XPNPEP1: variants seen among roughly 807,000 people sequenced by gnomAD.
The protein encoded by XPNPEP1 is xaa-Pro aminopeptidase 1.
Under a neutral mutation model 92.4 loss-of-function variants are expected in XPNPEP1, and 39 were observed. The observed-to-expected ratio is 0.42, with a 90% CI of 0.33 to 0.55. The LOEUF is 0.55. Among genes scored for constraint, XPNPEP1 ranks in the 20% least tolerant of loss-of-function variants. XPNPEP1 has a pLI of 0.08. For missense variants in XPNPEP1, 654 were observed against 856.1 expected, an observed-to-expected ratio of 0.76 and a Z score of 2.95; for synonymous variants, 307 against 299.4, an observed-to-expected ratio of 1.03 and a Z score of -0.26.
chr10:109,903,371 A>G (rs959737095), intron 3 of XPNPEP1, among the ~76,000 whole-genome samples: 2 of 152,194 alleles, frequency 1.3e-5, no homozygotes, highest in Non-Finnish European at 2.9e-5. Flanking sequence ...ACCCTTTCGG[A>G]GGAGGGCCCC....
intron 7 of XPNPEP1, among the ~76,000 whole-genome samples, chr10:109,887,777 A>AT (rs766111061): frequency 1.3e-5 from 2 of 152,204 alleles, no homozygotes; most frequent in East Asian, 1.9e-4. Context: ...AGCTGAGTGG[A>AT]TAAAAAAAAC....
chr10:109,918,911 GGAAGGAGA>G (rs1306774302), intron 1 of XPNPEP1, among the ~76,000 whole-genome samples: 9 of 105,244 alleles, frequency 8.6e-5, no homozygotes, highest in African/African-American at 3.1e-4. Context: ...AAGGAAGGAA[GGAAGGAGA>G]GAGAGAAAAA....
chr10:109,893,315 C>T (rs2133453195), intron 3 of XPNPEP1: 1 of 397,156 alleles, frequency 2.5e-6, no homozygotes, highest in South Asian at 7.6e-5. Context: ...TTAGGAGAAC[C>T]AAAGCACATC....
At chr10:109,874,793 CA>C (rs1452113429) in intron 15 of XPNPEP1, among the ~76,000 whole-genome samples, 3 of 152,072 alleles carry the variant, frequency 2.0e-5, no homozygotes, top group Non-Finnish European at 4.4e-5. Flanking sequence ...ACTAAAAATA[CA>C]AAAAATTAGC....
At chr10:109,880,717 G>T in intron 11 of XPNPEP1, 125 bp downstream of exon 11, 1 of 813,698 alleles carries the variant, frequency 1.2e-6, no homozygotes, top group Non-Finnish European at 1.9e-6. Flanking sequence ...CCTCCTGGAA[G>T]GCCAGGAGGC....
At chr10:109,893,175 CTG>C in intron 3 of XPNPEP1, 100 bp from the exon 4 acceptor site, 3 of 1,112,032 alleles carry the variant, frequency 2.7e-6, no homozygotes, top group Non-Finnish European at 2.6e-6. Context: ...ACTATGAAGA[CTG>C]GGGAATCCTT....
intron 14 of XPNPEP1, chr10:109,876,100 C>T (rs940669674): frequency 6.6e-6 from 1 of 152,662 alleles, no homozygotes; most frequent in Non-Finnish European, 1.5e-5. Context: ...GCTAGACAGG[C>T]AGGAGTGGAT....
At position 109,865,089 on chromosome 10, in the gene XPNPEP1, G is replaced by A; in HGVS notation, c.*95C>T. The A allele has an allele frequency of 1.9e-6, 3 of 1,555,360 alleles. No homozygotes were observed. Among genetic ancestry groups the A allele is most frequent in the Non-Finnish European group, 1.8e-6 (2 of 1,140,756 alleles). On this transcript the variant is annotated 3_prime_UTR_variant, in exon 21 of 21. Transcript: ENST00000502935. ...GTCTAAAGTAAAAAGGGGAGGTAGGGAAGAAGGAAAGGAAAGGGGAAAGAT... is the reference window on the plus strand; with the variant it reads ...GTCTAAAGTAAAAAGGGGAGGTAGGAAAGAAGGAAAGGAAAGGGGAAAGAT...
intron 18 of XPNPEP1, 116 bp downstream of exon 18, chr10:109,870,615 T>C (rs533692982): frequency 9.1e-5 from 124 of 1,359,910 alleles, no homozygotes; most frequent in African/African-American, 1.2e-4. Flanking sequence ...GAAAAGTTTG[T>C]TGGAAGGGAA....
chr10:109,919,342 A>T (rs1423728507), intron 1 of XPNPEP1, among the ~76,000 whole-genome samples: 1 of 152,270 alleles, frequency 6.6e-6, no homozygotes, highest in Non-Finnish European at 1.5e-5. Context: ...ACATTTCTCC[A>T]GCAAAAGTAC....
chr10:109,918,158 A>G (rs1850292937), intron 1 of XPNPEP1, among the ~76,000 whole-genome samples: 2 of 152,044 alleles, frequency 1.3e-5, no homozygotes, highest in African/African-American at 4.8e-5. Context: ...ACAATGACTC[A>G]CATCTGTAAT....
intron 20 of XPNPEP1, 23 bp downstream of exon 20, chr10:109,868,591 G>A: frequency 1.3e-6 from 2 of 1,587,236 alleles, no homozygotes; most frequent in East Asian, 2.2e-5. Flanking sequence ...TAACATGCCT[G>A]CCCACCAAGA....
chr10:109,906,664 T>C lies in XPNPEP1; in HGVS notation c.246+1027A>G, dbSNP rs1015090432. Reference sequence around the variant, plus strand: ...CTGAAGAATCCTGTAACAACAGCTTTATTTCCCACCACTGCTTTTTACTTC... The same window carrying C: ...CTGAAGAATCCTGTAACAACAGCTTCATTTCCCACCACTGCTTTTTACTTC... On this transcript the variant is annotated intron_variant, in intron 3 of 20. Transcript: ENST00000502935. 1.4e-4 allele frequency among the ~76,000 whole-genome samples: 22 copies of C among 152,350 alleles called. 2 individuals are homozygous for C. In the East Asian group the frequency reaches 4.2e-3, roughly 29 times the overall value.
intron 2 of XPNPEP1, among the ~76,000 whole-genome samples, chr10:109,911,964 GA>G (rs1166842488): frequency 6.6e-6 from 1 of 152,128 alleles, no homozygotes; most frequent in African/African-American, 2.4e-5. Flanking sequence ...AACCAATCAT[GA>G]GCACAAAATC....
In XPNPEP1 at chr10:109,870,064, C is replaced by T. The variant is rs770224711; in HGVS notation, c.1697-35G>A. ...ACCAAATCCCAAAAATGAGAAGCAG[C>T]CCACGATGAAGATGTCTACAGAGAG... On this transcript the variant is annotated intron_variant, in intron 18 of 20. Coordinates refer to ENST00000502935, the MANE Select transcript of XPNPEP1 (RefSeq NM_020383.4). 6 of 1,608,804 alleles carry T rather than the reference C, an allele frequency of 3.7e-6. No homozygotes were observed. The South Asian group carries it at 4.4e-5, about 12-fold the overall frequency.
At chr10:109,892,147 T>A (rs1035681747) in intron 4 of XPNPEP1, among the ~76,000 whole-genome samples, 4 of 152,156 alleles carry the variant, frequency 2.6e-5, no homozygotes, top group Admixed American at 1.3e-4. Context: ...TGGTCTCGTA[T>A]AATCAACAAG....
At chr10:109,878,314 C>A in intron 12 of XPNPEP1, 1 of 412,672 alleles carries the variant, frequency 2.4e-6, no homozygotes, top group Non-Finnish European at 4.3e-6. Flanking sequence ...CCTCCCAAAA[C>A]AACATATCTA....
In XPNPEP1 at chr10:109,886,461, TAAAC is replaced by T; in HGVS notation, c.653-124_653-121del. 5 of 900,622 alleles carry T rather than the reference TAAAC, an allele frequency of 5.6e-6. No individual in the cohort carries two copies. In the Middle Eastern group the frequency reaches 8.8e-4, roughly 158 times the overall value. The allele number at this position is 900,622 out of a possible 1,614,324, so 55.8% of individuals were successfully genotyped here. A position where few individuals can be genotyped will look rare whatever the true frequency, so the allele number is the denominator to read the frequency against. ...CCATTTCTTACAGGAGCACGCTACTTAAACAGGCAGGAGGCCTGGATTCAAGCCC... is the reference window on the plus strand; with the variant it reads ...CCATTTCTTACAGGAGCACGCTACTTAGGCAGGAGGCCTGGATTCAAGCCC... On this transcript the variant is annotated intron_variant, in intron 7 of 20. Transcript: ENST00000502935.
rs543478325 is a variant in XPNPEP1 at position 109,891,848 on chromosome 10, AAAG to A, written c.311-25_311-23del. 1.6e-4 allele frequency: 260 copies of A among 1,609,660 alleles called. 1 individual carries two copies. The highest frequency in any genetic ancestry group is 1.5e-3 in the South Asian group (140 of 90,664). On this transcript the variant is annotated intron_variant, in intron 4 of 20. Coordinates refer to ENST00000502935, the MANE Select transcript of XPNPEP1 (RefSeq NM_020383.4). ...GTGCCTGAAGCAGGGGAGAAAAAAA[AAAG>A]AAGAAGAAAGGTTTCTAACAACTGC...
Sources: gnomAD v4.1 joint callset for allele counts (sites outside exome capture counted in the v4.1 genomes callset) on GRCh38, gnomAD v4.1.1 for gene constraint, MANE v1.5 for transcripts, NCBI Gene and HGNC (gene_info 2026-07-23, HGNC 2026-07-21) for gene names.